Variants in PECR observed in about 807,000 individuals in gnomAD.
PECR encodes 2,4-dienoyl-CoA reductase-related protein.
Under a neutral mutation model 35.3 loss-of-function variants are expected in PECR, and 30 were observed. The ratio of observed to expected loss-of-function variants is 0.85; its 90% CI spans 0.64 to 1.15. The LOEUF (loss-of-function observed/expected upper bound fraction) is 1.15, where lower values mean the gene tolerates loss of function less well. Among genes scored for constraint, PECR ranks in the 50% most tolerant of loss-of-function variants. PECR has a pLI of 0.00. For missense variants in PECR, 392 were observed against 370.8 expected (o/e 1.06, Z -0.47); for synonymous variants, 148 against 138.9 (o/e 1.07, Z -0.46).
intron 3 of PECR, 137 bp downstream of exon 3, chr2:216,065,175 C>A: frequency 1.3e-6 from 1 of 758,444 alleles, no homozygotes; most frequent in Non-Finnish European, 2.4e-6. Context: ...CTGAAATGTA[C>A]CAATTTACAT....
intron 1 of PECR, among the ~76,000 whole-genome samples, chr2:216,071,038 T>A (rs1261888677): frequency 6.6e-6 from 1 of 152,210 alleles, no homozygotes; most frequent in Non-Finnish European, 1.5e-5. Context: ...AGACAGGTAA[T>A]TGCAAAATGT....
chr2:216,033,030 A>G (rs1694734516), intron 7 of PECR: 2 of 152,218 alleles, frequency 1.3e-5, no homozygotes, highest in Non-Finnish European at 2.9e-5. Context: ...ATAATTCATG[A>G]GGCCATTTTC....
chr2:216,037,357 C>T (rs1559205619), downstream of PECR, among the ~76,000 whole-genome samples: 2 of 152,178 alleles, frequency 1.3e-5, no homozygotes, highest in African/African-American at 4.8e-5. Flanking sequence ...GCAGAAATAA[C>T]TGGCAACGCT....
intron 1 of PECR, among the ~76,000 whole-genome samples, chr2:216,077,618 C>A (rs536989624): frequency 2.4e-4 from 37 of 152,000 alleles, no homozygotes; most frequent in South Asian, 1.7e-3. Context: ...CTAGCCTGGG[C>A]AAACATGGTG....
chr2:216,076,311 G>C (rs544969012), intron 1 of PECR, among the ~76,000 whole-genome samples: 1 of 152,164 alleles, frequency 6.6e-6, no homozygotes, highest in East Asian at 1.9e-4. Flanking sequence ...TCATGTGTCA[G>C]CCTCCCAAGT....
rs955021535 is a variant in PECR, at chr2:216,055,113, C to CAAAAAAAA, written c.507-3576_507-3569dup. 7.5e-3 allele frequency among the ~76,000 whole-genome samples: 410 copies of CAAAAAAAA among 54,466 alleles called. 2 individuals are homozygous for CAAAAAAAA. The highest frequency in any genetic ancestry group is 0.026 in the African/African-American group (383 of 14,856). 35.7% of individuals were successfully genotyped at this position (54,466 alleles called of 152,430 possible). A position where few individuals can be genotyped will look rare whatever the true frequency, so the allele number is the denominator to read the frequency against. On this transcript the variant is annotated intron_variant, in intron 4 of 7. Transcript: ENST00000265322. Reference sequence around the variant, plus strand: ...GGTGATAGAGCGAGACTGTGTCTTACAAAAAAAAAAAAAAAAGACACTTAA... The same window carrying CAAAAAAAA: ...GGTGATAGAGCGAGACTGTGTCTTACAAAAAAAAAAAAAAAAAAAAAAAAGACACTTAA...
At chr2:216,065,222 G>C in intron 3 of PECR, 90 bp downstream of exon 3, 1 of 872,234 alleles carries the variant, frequency 1.1e-6, no homozygotes, top group South Asian at 1.3e-5. Context: ...GCCAATAAAT[G>C]TTAATGACAT....
intron 7 of PECR, among the ~76,000 whole-genome samples, chr2:216,040,394 A>G (rs1183940902): frequency 6.6e-6 from 1 of 152,138 alleles, no homozygotes; most frequent in Non-Finnish European, 1.5e-5. Flanking sequence ...TCCCAAGTAC[A>G]GGCACATGCC....
At chr2:216,079,479 T>C (rs1695783910) in intron 1 of PECR, among the ~76,000 whole-genome samples, 1 of 151,424 alleles carries the variant, frequency 6.6e-6, no homozygotes, top group Non-Finnish European at 1.5e-5. Flanking sequence ...GCCATTCTCC[T>C]GCCTCAGCCT....
chr2:216,062,844 A>G (rs1296095283), intron 3 of PECR, among the ~76,000 whole-genome samples: 2 of 152,226 alleles, frequency 1.3e-5, no homozygotes, highest in African/African-American at 4.8e-5. Context: ...GTCGAGATAC[A>G]CAAATACTTG....
rs547725544 is a variant in PECR, at chr2:216,039,141, C to T, written c.*134G>A. On this transcript the variant is annotated 3_prime_UTR_variant, in exon 8 of 8. Coordinates refer to ENST00000265322, the MANE Select transcript of PECR (RefSeq NM_018441.6). The stretch of plus-strand genomic sequence containing the variant: ...TGTATATATTTCAGGAATAGTTTTT[C>T]CATAGATATAATTAATAACACTTAA... 6.7e-5 allele frequency: 44 copies of T among 655,938 alleles called. 1 individual carries two copies. The highest frequency in any genetic ancestry group is 4.0e-4 in the East Asian group (14 of 34,946). The allele number at this position is 655,938 out of a possible 1,614,324, so 40.6% of individuals were successfully genotyped here.
chr2:216,059,371 T>C (rs1695290076), intron 3 of PECR, among the ~76,000 whole-genome samples: 1 of 152,224 alleles, frequency 6.6e-6, no homozygotes, highest in African/African-American at 2.4e-5. Context: ...TGTGTCTAAC[T>C]TCTTCCACTT....
In PECR at chr2:216,031,647, AAAAGAAAG is replaced by A. The variant is rs200929112; in HGVS notation, c.*440+7536_*440+7543del. Among the ~76,000 whole-genome samples, 390 of 98,026 alleles carry A rather than the reference AAAAGAAAG, an allele frequency of 4.0e-3. 2 individuals are homozygous for A. The highest frequency in any genetic ancestry group is 0.018 in the Middle Eastern group (4 of 224). 64.3% of individuals were successfully genotyped at this position (98,026 alleles called of 152,430 possible). A position where few individuals can be genotyped will look rare whatever the true frequency, so the allele number is the denominator to read the frequency against. On this transcript the variant is annotated intron_variant and NMD_transcript_variant, in intron 7 of 7. Transcript: ENST00000442122. ...AAGGAACAAGGAAGGAAGGAAGAAG[AAAAGAAAG>A]AAAGAAAGAAAGAAAGAAAGAAAGA...
At chr2:216,052,513 G>T (rs1233532395) in intron 4 of PECR, among the ~76,000 whole-genome samples, 5 of 152,174 alleles carry the variant, frequency 3.3e-5, no homozygotes, top group Admixed American at 3.3e-4. Flanking sequence ...GGTTGGCATG[G>T]TTTTTTCTGT....
At chr2:216,065,170 A>G in intron 3 of PECR, 142 bp downstream of exon 3, 1 of 751,144 alleles carries the variant, frequency 1.3e-6, no homozygotes, top group Non-Finnish European at 2.4e-6. Flanking sequence ...CTATACTGAA[A>G]TGTACCAATT....
At chr2:216,063,608 ACT>A (rs1371211752) in intron 3 of PECR, among the ~76,000 whole-genome samples, 2 of 152,064 alleles carry the variant, frequency 1.3e-5, no homozygotes, top group African/African-American at 4.8e-5. Flanking sequence ...ACAGAGCGAG[ACT>A]CTGTCTCAAA....
intron 1 of PECR, among the ~76,000 whole-genome samples, chr2:216,079,896 G>A (rs1346906611): frequency 1.4e-5 from 2 of 145,976 alleles, no homozygotes; most frequent in Admixed American, 6.8e-5. Context: ...CAGGAGAATC[G>A]CTTGAACCCA....
At position 216,081,629 on chromosome 2, in the gene PECR, A is replaced by G. The variant is rs760462586; in HGVS notation, c.113T>C (p.Leu38Pro). 2.1e-5 allele frequency: 34 copies of G among 1,613,534 alleles called. No individual in the cohort carries two copies. Among genetic ancestry groups the G allele is most frequent in the African/African-American group, 2.7e-5 (2 of 74,902 alleles). ...GCCCGCTCACGTACCCAGCTCCAGG[A>G]GCTCCTTCACGATGGCTTTTCCGAT... ...TGIGKAIVKE[L>P]LELGSNVVIA... The change falls in exon 1 of 8, where the codon CTC becomes CCC. Residue 38 changes from leucine (L) to proline (P), a missense_variant. Leu to Pro is a moderately conservative substitution (Grantham distance 98, BLOSUM62 -3). Coordinates refer to ENST00000265322, the MANE Select transcript of PECR (RefSeq NM_018441.6).
At chr2:216,049,176 GT>G in intron 6 of PECR, 86 bp downstream of exon 6, 2 of 786,982 alleles carry the variant, frequency 2.5e-6, no homozygotes, top group South Asian at 2.7e-5. Flanking sequence ...AAATAATGTC[GT>G]CCAGACCGCA....
Sources: gnomAD v4.1 joint callset for allele counts (sites outside exome capture counted in the v4.1 genomes callset) on GRCh38, gnomAD v4.1.1 for gene constraint, MANE v1.5 for transcripts, NCBI Gene and HGNC (gene_info 2026-07-23, HGNC 2026-07-21) for gene names.